The following RAD1 variants were observed in gnomAD, a reference collection of about 807,000 sequenced individuals.
RAD1 encodes cell cycle checkpoint protein RAD1.
Under a neutral mutation model 30.0 loss-of-function variants are expected in RAD1, and 21 were observed. The ratio of observed to expected loss-of-function variants is 0.70; its 90% CI spans 0.50 to 1.01. The LOEUF (loss-of-function observed/expected upper bound fraction) is 1.01. RAD1 is among the 50% of genes least tolerant of loss of function. The pLI, the probability that RAD1 is intolerant of heterozygous loss-of-function variation, is 0.00. For missense variants in RAD1, 329 were observed against 329.0 expected (o/e 1.00, Z 0.00); for synonymous variants, 109 against 113.6 (o/e 0.96, Z 0.26).
chr5:34,914,120 A>G (rs906544767), intron 2 of RAD1: 6 of 412,186 alleles, frequency 1.5e-5, no homozygotes, highest in Non-Finnish European at 2.5e-5. Context: ...TTGAACTTGC[A>G]ATCCTATCTG....
At chr5:34,910,479 G>C (rs1763798177) in intron 4 of RAD1, among the ~76,000 whole-genome samples, 1 of 151,250 alleles carries the variant, frequency 6.6e-6, no homozygotes, top group South Asian at 2.1e-4. Context: ...CCAGGCTGGA[G>C]TGCAGTGGCG....
rs1230877171 is a variant in RAD1, at chr5:34,914,805, T to C, written c.88A>G (p.Ile30Val). The change falls in exon 2 of 6, where the codon ATC (isoleucine) becomes GTC (valine). Residue 30 changes from isoleucine (I) to valine (V), a missense_variant. Ile to Val is a conservative substitution (Grantham distance 29). Transcript: ENST00000382038. ...SLDNVRNLST[I>V]LKAIHFREHA... ...TCTCGGAAATGAATAGCTTTCAAGA[T>C]AGTGGAGAGATTCCTAACGTTGTCA... The C allele has an allele frequency of 1.9e-6, 3 of 1,614,266 alleles. No homozygotes were observed. The highest frequency in any genetic ancestry group is 2.2e-5 in the South Asian group (2 of 91,080).
intron 2 of RAD1, 128 bp downstream of exon 2, chr5:34,914,562 ATTAAG>A (rs1034182708): frequency 1.8e-5 from 14 of 795,808 alleles, no homozygotes; most frequent in African/African-American, 8.7e-5. Flanking sequence ...TTATTTATTT[ATTAAG>A]TTATTTATTA....
In RAD1 at chr5:34,907,303, T is replaced by A. The variant is rs1763682811; in HGVS notation, c.*1462A>T. 1 of 152,056 alleles carries A rather than the reference T, an allele frequency of 6.6e-6. No individual in the cohort carries two copies. Among genetic ancestry groups the A allele is most frequent in the South Asian group, 2.1e-4 (1 of 4,824 alleles). The allele number at this position is 152,056 out of a possible 1,614,324, so 9.4% of individuals were successfully genotyped here. On this transcript the variant is annotated 3_prime_UTR_variant, in exon 6 of 6. Coordinates refer to ENST00000382038, the MANE Select transcript of RAD1 (RefSeq NM_002853.4). Reference sequence around the variant, plus strand: ...ACACTTTTATTTGGGGGAGGTGGGGTGGTCACAATGACTAGCATCAGTGGG... The same window carrying A: ...ACACTTTTATTTGGGGGAGGTGGGGAGGTCACAATGACTAGCATCAGTGGG...
At chr5:34,914,302 A>G (rs1447089021) in intron 2 of RAD1, among the ~76,000 whole-genome samples, 3 of 152,250 alleles carry the variant, frequency 2.0e-5, no homozygotes, top group Non-Finnish European at 4.4e-5. Context: ...GACTGTTGGC[A>G]AATCACTTAA....
At position 34,909,223 on chromosome 5, in the gene RAD1, T is replaced by C. The variant is rs1763754453; in HGVS notation, c.665+35A>G. 5 of 1,449,876 alleles carry C rather than the reference T, an allele frequency of 3.4e-6. No homozygotes were observed. The South Asian group carries it at 6.1e-5, about 18-fold the overall frequency. 89.8% of individuals were successfully genotyped at this position (1,449,876 alleles called of 1,614,324 possible). A position where few individuals can be genotyped will look rare whatever the true frequency, so the allele number is the denominator to read the frequency against. On this transcript the variant is annotated intron_variant, in intron 5 of 5. Transcript: ENST00000382038. ...GAAATCTGGTATTTAACCTCCTCTT[T>C]ATCACCAATGACAACCTCTATATTA...
rs755364544 is a variant in RAD1 at position 34,914,939 on chromosome 5, C to A, written c.-47G>T. ...CGAGGGATGCTCCTGGGGCCAACAA[C>A]TTCTCGGCGGATCGCCAAACACCTG... On this transcript the variant is annotated 5_prime_UTR_variant, in exon 2 of 6. Coordinates refer to ENST00000382038, the MANE Select transcript of RAD1 (RefSeq NM_002853.4). The A allele has an allele frequency of 6.2e-7, 1 of 1,603,810 alleles. No individual in the cohort carries two copies.
At position 34,905,418 on chromosome 5, in the gene RAD1, A is replaced by C. The variant is rs1763617468; in HGVS notation, c.*3347T>G. 6.6e-6 allele frequency: 1 copy of C among 152,174 alleles called. No homozygotes were observed. The highest frequency in any genetic ancestry group is 2.4e-5 in the African/African-American group (1 of 41,440). 9.4% of individuals were successfully genotyped at this position (152,174 alleles called of 1,614,324 possible). On this transcript the variant is annotated 3_prime_UTR_variant, in exon 6 of 6. Coordinates refer to ENST00000382038, the MANE Select transcript of RAD1 (RefSeq NM_002853.4). Reference sequence around the variant, plus strand: ...CTTTTAGCAATTTTAATTAATTTTTACTAGGACTTTGGTAACACCACAGAA... The same window carrying C: ...CTTTTAGCAATTTTAATTAATTTTTCCTAGGACTTTGGTAACACCACAGAA...
intron 4 of RAD1, 24 bp downstream of exon 4, chr5:34,911,530 T>C (rs762387746): frequency 6.2e-7 from 1 of 1,611,898 alleles, no homozygotes; most frequent in Non-Finnish European, 8.5e-7. Context: ...CCACATTAAC[T>C]ATAACTGCAC....
At chr5:34,914,992 A>G in intron 1 of RAD1, 31 bp from the exon 2 acceptor site, 2 of 1,320,286 alleles carry the variant, frequency 1.5e-6, no homozygotes, top group Non-Finnish European at 2.1e-6. Context: ...AACTCCCATC[A>G]GTGCTGGCGA....
In RAD1 at chr5:34,909,279, C is replaced by A. The variant is rs764702755; in HGVS notation, c.644G>T (p.Cys215Phe). Residue 215 changes from cysteine (C) to phenylalanine (F), a missense_variant, in exon 5 of 6, where the codon TGT becomes TTT. Coordinates refer to ENST00000382038, the MANE Select transcript of RAD1 (RefSeq NM_002853.4). ...KDSDLMEAFH[C>F]NQTQVNRYKI... The stretch of plus-strand genomic sequence containing the variant: ...TGACCTGTTGACTTGGGTCTGATTA[C>A]AATGAAATGCTTCCATCAAATCAGA... 1.3e-5 allele frequency: 21 copies of A among 1,610,050 alleles called. No homozygotes were observed. In the South Asian group the frequency reaches 2.3e-4, roughly 18 times the overall value.
chr5:34,910,433 T>G (rs1431702660), intron 4 of RAD1, among the ~76,000 whole-genome samples: 2 of 129,322 alleles, frequency 1.5e-5, no homozygotes, highest in African/African-American at 2.6e-5. Flanking sequence ...TTTTCTTTTC[T>G]TTTTTTTTTT....
chr5:34,910,904 A>G (rs1763815506), intron 4 of RAD1, among the ~76,000 whole-genome samples: 2 of 152,236 alleles, frequency 1.3e-5, no homozygotes, highest in South Asian at 2.1e-4. Flanking sequence ...GTGTTAAACT[A>G]TCAAGAACAG....
Position 34,908,691 on chromosome 5 carries a change from C to T in RAD1, c.*74G>A, listed in dbSNP as rs1580505432. 1 of 1,319,808 alleles carries T rather than the reference C, an allele frequency of 7.6e-7. No individual in the cohort carries two copies. The allele number at this position is 1,319,808 out of a possible 1,614,324, so 81.8% of individuals were successfully genotyped here. ...CTATAGAAAATCCAATATGAAATGA[C>T]AAAGAGTACTGTACTCAGAATAAGA... is the stretch of plus-strand genomic sequence containing the variant. On this transcript the variant is annotated 3_prime_UTR_variant, in exon 6 of 6. Transcript: ENST00000382038.
chr5:34,907,596 A>G lies in RAD1; in HGVS notation c.*1169T>C, dbSNP rs925571280. On this transcript the variant is annotated 3_prime_UTR_variant, in exon 6 of 6. Transcript: ENST00000382038. The stretch of plus-strand genomic sequence containing the variant: ...TACCAGGAAAGTACAAAATCACTTA[A>G]TAACTGGTTTTCTACACCTTGATTT... The G allele has an allele frequency of 6.6e-6, 1 of 152,242 alleles. No individual in the cohort carries two copies. Among genetic ancestry groups the G allele is most frequent in the Non-Finnish European group, 1.5e-5 (1 of 68,042 alleles). 9.4% of individuals were successfully genotyped at this position (152,242 alleles called of 1,614,324 possible). A position where few individuals can be genotyped will look rare whatever the true frequency, so the allele number is the denominator to read the frequency against.
At chr5:34,913,921 G>C (rs1259668279) in intron 2 of RAD1, 1 of 456,388 alleles carries the variant, frequency 2.2e-6, no homozygotes, top group Admixed American at 2.4e-5. Context: ...GTCTCACTAT[G>C]ATTACCCAGG....
In RAD1 at chr5:34,911,697, C is replaced by A; in HGVS notation, c.423G>T (p.Glu141Asp). The A allele has an allele frequency of 6.2e-7, 1 of 1,614,146 alleles. No individual in the cohort carries two copies. Among genetic ancestry groups the A allele is most frequent in the Non-Finnish European group, 8.5e-7 (1 of 1,180,036 alleles). ...TGCTGCAGAAATCAAAGTCCAGGGT[C>A]TCCTCAGGTTCCTGTGTATTGATTT... ...VCKINTQEPE[E>D]TLDFDFCSTN... Residue 141 changes from glutamate to aspartate, a missense_variant, in exon 4 of 6, where the codon GAG (glutamate) becomes GAT (aspartate). By Grantham distance (45) the Glu-to-Asp change is conservative. Transcript: ENST00000382038.
chr5:34,913,798 C>T lies in RAD1; in HGVS notation c.199-220G>A, dbSNP rs145748897. 10 of 536,830 alleles carry T rather than the reference C, an allele frequency of 1.9e-5. No homozygotes were observed. In the African/African-American group the frequency reaches 1.9e-4, roughly 10 times the overall value. The allele number at this position is 536,830 out of a possible 1,614,324, so 33.3% of individuals were successfully genotyped here. ...ATCCCTCTGTGACTCTCCCTTGTCT[C>T]GTTTTTGTGCCTATCACTACTGCTA... On this transcript the variant is annotated intron_variant, in intron 2 of 5. Transcript: ENST00000382038.
intron 2 of RAD1, 82 bp from the exon 3 acceptor site, chr5:34,913,660 T>C: frequency 2.5e-6 from 2 of 792,542 alleles, no homozygotes. Context: ...ACTTTATACG[T>C]TTAAAAAATA....
Sources: gnomAD v4.1 joint callset for allele counts (sites outside exome capture counted in the v4.1 genomes callset) on GRCh38, gnomAD v4.1.1 for gene constraint, MANE v1.5 for transcripts, NCBI Gene and HGNC (gene_info 2026-07-23, HGNC 2026-07-21) for gene names.